Variants in ALDH1L1 observed in about 807,000 individuals in gnomAD.
The protein encoded by ALDH1L1 is cytosolic 10-formyltetrahydrofolate dehydrogenase.
Under a neutral mutation model 101.1 loss-of-function variants are expected in ALDH1L1, and 68 were observed. The observed-to-expected ratio is 0.67, with a 90% CI of 0.55 to 0.82. The LOEUF (loss-of-function observed/expected upper bound fraction) is 0.82, where lower values mean the gene tolerates loss of function less well. Ranked by LOEUF, ALDH1L1 falls within the 40% of genes least tolerant of loss-of-function variation. ALDH1L1 has a pLI of 0.00. For missense variants in ALDH1L1, 1,087 were observed against 1,172.7 expected (o/e 0.93, Z 1.07); for synonymous variants, 486 against 470.8 (o/e 1.03, Z -0.42).
chr3:126,135,609 G>A lies in ALDH1L1; in HGVS notation c.1398C>T (p.Ala466=), dbSNP rs1378265060. ...CATTCTCAAAGGCATCCTTGGCTGCGGCCACTGCCTTGTCGACGTCGGTGA... is the reference window on the plus strand; with the variant it reads ...CATTCTCAAAGGCATCCTTGGCTGCAGCCACTGCCTTGTCGACGTCGGTGA... The part of the protein sequence containing the change: ...AQVTDVDKAV[A]AAKDAFENGR... Residue 466 remains alanine (A), a synonymous_variant, in exon 12 of 23, where the codon GCC becomes GCT. Transcript: ENST00000393434. 5.0e-6 allele frequency: 8 copies of A among 1,595,332 alleles called. No homozygotes were observed. The highest frequency in any genetic ancestry group is 1.7e-5 in the Admixed American group (1 of 57,210).
chr3:126,152,926 G>C (rs1278552114), intron 7 of ALDH1L1: 1 of 230,194 alleles, frequency 4.3e-6, no homozygotes, highest in East Asian at 1.0e-4. Flanking sequence ...TGGTATAAAA[G>C]GTGCTCCATC....
At chr3:126,124,495 G>T in intron 15 of ALDH1L1, 44 bp from the exon 16 acceptor site, 1 of 1,528,672 alleles carries the variant, frequency 6.5e-7, no homozygotes, top group Non-Finnish European at 9.0e-7. Flanking sequence ...GGAGGTTTTT[G>T]AAAGTGGGGC....
chr3:126,120,143 T>C (rs138996624), intron 16 of ALDH1L1, among the ~76,000 whole-genome samples: 60 of 152,274 alleles, frequency 3.9e-4, no homozygotes, highest in African/African-American at 1.2e-3. Flanking sequence ...CCCGAAGGAG[T>C]TGAAAACTTA....
In ALDH1L1 at chr3:126,157,303, C is replaced by T. The variant is rs187542469; in HGVS notation, c.528+40G>A. On this transcript the variant is annotated intron_variant, in intron 4 of 22. Transcript: ENST00000393434. ...GGTCTAGGGAGGATGCTTGAGGGTG[C>T]GTCGGGGCGGGCAGGGCGCGGCCGG... 2.8e-5 allele frequency: 45 copies of T among 1,581,836 alleles called. 1 individual carries two copies. In the South Asian group the frequency reaches 3.5e-4, roughly 12 times the overall value.
intron 16 of ALDH1L1, among the ~76,000 whole-genome samples, chr3:126,122,109 A>G (rs185553462): frequency 6.6e-6 from 1 of 152,228 alleles, no homozygotes; most frequent in Non-Finnish European, 1.5e-5. Flanking sequence ...CAAAAAGCAG[A>G]GGCAAATAAG....
chr3:126,172,635 A>G (rs1449887137), intron 1 of ALDH1L1, among the ~76,000 whole-genome samples: 1 of 152,178 alleles, frequency 6.6e-6, no homozygotes, highest in Non-Finnish European at 1.5e-5. Context: ...GATGGAATAA[A>G]AAGAAAGAAA....
intron 12 of ALDH1L1, among the ~76,000 whole-genome samples, chr3:126,133,871 C>G (rs897847624): frequency 3.3e-5 from 5 of 152,232 alleles, no homozygotes; most frequent in Non-Finnish European, 1.5e-5. Flanking sequence ...GCAGCTCCCC[C>G]ACGGTCTTTC....
At chr3:126,121,525 C>T (rs1222063472) in intron 16 of ALDH1L1, among the ~76,000 whole-genome samples, 1 of 152,164 alleles carries the variant, frequency 6.6e-6, no homozygotes, top group African/African-American at 2.4e-5. Flanking sequence ...ACAACCTGCT[C>T]AAAAGGCATG....
intron 1 of ALDH1L1, among the ~76,000 whole-genome samples, chr3:126,191,369 G>A (rs1053359382): frequency 2.0e-5 from 3 of 152,114 alleles, no homozygotes; most frequent in Admixed American, 6.5e-5. Context: ...CCTCAGCTGC[G>A]GGGGCTGACT....
chr3:126,106,105 A>C (rs1945861365), intron 21 of ALDH1L1, among the ~76,000 whole-genome samples, 180 bp from the exon 22 acceptor site: 1 of 152,196 alleles, frequency 6.6e-6, no homozygotes, highest in Non-Finnish European at 1.5e-5. Context: ...GAGGAAGGGC[A>C]GAGGCCCATG....
intron 19 of ALDH1L1, among the ~76,000 whole-genome samples, chr3:126,110,696 G>A (rs1004044793): frequency 2.6e-5 from 4 of 152,004 alleles, no homozygotes; most frequent in Non-Finnish European, 2.9e-5. Flanking sequence ...TCGAGCACCC[G>A]GCACACCCCT....
intron 14 of ALDH1L1, among the ~76,000 whole-genome samples, chr3:126,127,134 G>A (rs992897899): frequency 6.6e-6 from 1 of 152,180 alleles, no homozygotes; most frequent in Admixed American, 6.5e-5. Flanking sequence ...CTGGATTGGT[G>A]GTCTCTTCTA....
In ALDH1L1 at chr3:126,103,720, C is replaced by G; in HGVS notation, c.*71G>C. 6.5e-7 allele frequency: 1 copy of G among 1,548,046 alleles called. No individual in the cohort carries two copies. The highest frequency in any genetic ancestry group is 8.8e-7 in the Non-Finnish European group (1 of 1,131,350). On this transcript the variant is annotated 3_prime_UTR_variant, in exon 23 of 23. Coordinates refer to ENST00000393434, the MANE Select transcript of ALDH1L1 (RefSeq NM_012190.4). ...CCCCCAGGTGGGAGGTGCTGTGCAC[C>G]CAGGCTCAAGAGGGAGGGGGCCCCA...
At chr3:126,154,041 T>A (rs2080858650) in intron 6 of ALDH1L1, among the ~76,000 whole-genome samples, 1 of 152,190 alleles carries the variant, frequency 6.6e-6, no homozygotes, top group South Asian at 2.1e-4. Context: ...GTCAGGGGTC[T>A]GGAGAGTCTG....
At chr3:126,154,298 T>A (rs2108287198) in intron 6 of ALDH1L1, among the ~76,000 whole-genome samples, 1 of 152,194 alleles carries the variant, frequency 6.6e-6, no homozygotes, top group South Asian at 2.1e-4. Context: ...TCACCACCAA[T>A]ACAGCTGGGC....
intron 14 of ALDH1L1, among the ~76,000 whole-genome samples, chr3:126,126,848 G>A (rs147037109): frequency 6.6e-6 from 1 of 152,322 alleles, no homozygotes; most frequent in East Asian, 1.9e-4. Flanking sequence ...TGGTAGCACT[G>A]GGGTGGGCGG....
chr3:126,196,877 C>A (rs2081584432), intron 1 of ALDH1L1, among the ~76,000 whole-genome samples: 1 of 152,198 alleles, frequency 6.6e-6, no homozygotes, highest in Non-Finnish European at 1.5e-5. Flanking sequence ...AGCTACTGAG[C>A]TACAATACTG....
chr3:126,135,766 CCT>C lies in ALDH1L1; in HGVS notation c.1345-106_1345-105del, dbSNP rs1490847272. The C allele has an allele frequency of 2.2e-6, 3 of 1,359,648 alleles. No individual in the cohort carries two copies. In the East Asian group the frequency reaches 8.3e-5, roughly 38 times the overall value. The allele number at this position is 1,359,648 out of a possible 1,614,324, so 84.2% of individuals were successfully genotyped here. On this transcript the variant is annotated intron_variant, in intron 11 of 22. Transcript: ENST00000393434. Reference sequence around the variant, plus strand: ...CTCCTGGGGCCCCAGTGAGGCGGCCCCTGTCCACATGAGCAGGTGTGGAGGAG... The same window carrying C: ...CTCCTGGGGCCCCAGTGAGGCGGCCCGTCCACATGAGCAGGTGTGGAGGAG...
At chr3:126,167,708 A>C (rs1387564689) in intron 1 of ALDH1L1, among the ~76,000 whole-genome samples, 1 of 152,114 alleles carries the variant, frequency 6.6e-6, no homozygotes, top group African/African-American at 2.4e-5. Context: ...TAAAGCCAGC[A>C]CTTTTAAAAC....
Sources: allele counts gnomAD v4.1 joint callset (sites outside exome capture counted in the v4.1 genomes callset), GRCh38; gene constraint gnomAD v4.1.1; transcripts MANE v1.5; gene names NCBI Gene and HGNC (gene_info 2026-07-23, HGNC 2026-07-21).